CTNNA3: variants seen among roughly 807,000 people sequenced by gnomAD.
CTNNA3 encodes the protein catenin alpha 3, also known as catenin alpha-3.
A neutral mutation model predicts 95.7 loss-of-function variants in CTNNA3; 76 were observed. That is an observed-to-expected ratio of 0.79 (90% CI 0.66 to 0.96). The LOEUF is 0.96. Among genes scored for constraint, CTNNA3 ranks in the 40% least tolerant of loss-of-function variants. The pLI is 0.00. For missense variants in CTNNA3, 1,191 were observed against 1,089.8 expected (o/e 1.09, Z -1.31); for synonymous variants, 431 against 374.4 (o/e 1.15, Z -1.74).
At chr10:66,736,880 T>C (rs569459138) in intron 9 of CTNNA3, among the ~76,000 whole-genome samples, 170 of 152,306 alleles carry the variant, frequency 1.1e-3, no homozygotes, top group African/African-American at 3.9e-3. Context: ...ATTACTGTTT[T>C]GGTAAATAGT....
chr10:67,320,315 T>C (rs1159084102), intron 5 of CTNNA3, among the ~76,000 whole-genome samples: 1 of 152,132 alleles, frequency 6.6e-6, no homozygotes, highest in African/African-American at 2.4e-5. Context: ...AGCCAATCTT[T>C]GAGTATGTGC....
chr10:66,456,905 G>A (rs2093498499), intron 11 of CTNNA3, among the ~76,000 whole-genome samples: 2 of 151,988 alleles, frequency 1.3e-5, no homozygotes, highest in African/African-American at 4.8e-5. Flanking sequence ...ACCAGCCTGG[G>A]TAACATAGTG....
intron 1 of CTNNA3, among the ~76,000 whole-genome samples, chr10:67,716,537 G>T (rs1173617465): frequency 1.3e-5 from 2 of 152,030 alleles, no homozygotes; most frequent in African/African-American, 2.4e-5. Flanking sequence ...TATTCTCATT[G>T]TTCAATTCCT....
intron 7 of CTNNA3, among the ~76,000 whole-genome samples, chr10:66,831,327 T>C (rs371248577): frequency 9.6e-4 from 147 of 152,340 alleles, no homozygotes; most frequent in African/African-American, 3.4e-3. Context: ...TCTTCCCTTG[T>C]GTGCCAGGCT....
At chr10:66,950,036 C>A (rs762982920) in intron 7 of CTNNA3, among the ~76,000 whole-genome samples, 15 of 152,184 alleles carry the variant, frequency 9.9e-5, no homozygotes, top group Non-Finnish European at 2.1e-4. Context: ...TATGCAATTA[C>A]TCTTAATACC....
chr10:67,654,540 C>G (rs1348449468), intron 1 of CTNNA3, among the ~76,000 whole-genome samples: 1 of 151,384 alleles, frequency 6.6e-6, no homozygotes, highest in Non-Finnish European at 1.5e-5. Flanking sequence ...GCTGGAGTGC[C>G]AGTGGCGTGA....
intron 7 of CTNNA3, among the ~76,000 whole-genome samples, chr10:66,777,233 A>G (rs933365516): frequency 2.0e-5 from 3 of 152,180 alleles, no homozygotes; most frequent in African/African-American, 7.2e-5. Flanking sequence ...GCTAAATTCA[A>G]TACCAAATCT....
intron 1 of CTNNA3, among the ~76,000 whole-genome samples, chr10:67,688,939 G>T (rs535759750): frequency 1.6e-4 from 25 of 152,306 alleles, no homozygotes; most frequent in African/African-American, 5.5e-4. Flanking sequence ...AGACCAAAAA[G>T]AGGACCGAGG....
chr10:66,559,528 C>T (rs1190504062), intron 10 of CTNNA3, among the ~76,000 whole-genome samples: 5 of 151,954 alleles, frequency 3.3e-5, no homozygotes, highest in Non-Finnish European at 5.9e-5. Flanking sequence ...TCCTACAATA[C>T]ACAGGAACAC....
chr10:66,460,367 A>G (rs2093520933), intron 11 of CTNNA3, among the ~76,000 whole-genome samples: 1 of 152,192 alleles, frequency 6.6e-6, no homozygotes, highest in African/African-American at 2.4e-5. Flanking sequence ...TAACTGGTGC[A>G]TTGACCTATA....
chr10:67,376,171 T>A (rs1187496500), intron 5 of CTNNA3, among the ~76,000 whole-genome samples: 1 of 152,210 alleles, frequency 6.6e-6, no homozygotes, highest in Admixed American at 6.5e-5. Flanking sequence ...CCAAATGGAC[T>A]AAGACAGGGA....
rs571191788 is a variant in CTNNA3 at position 67,510,403 on chromosome 10, T to A, written c.579+11439A>T. On this transcript the variant is annotated intron_variant, in intron 5 of 17. Transcript: ENST00000433211. ...AGGGATCCAGTTTCAGCTTTCTACATATGGCTAGCCAGTTTTCCCTGCACC... is the reference window on the plus strand; with the variant it reads ...AGGGATCCAGTTTCAGCTTTCTACAAATGGCTAGCCAGTTTTCCCTGCACC... 8.5e-4 allele frequency among the ~76,000 whole-genome samples: 130 copies of A among 152,292 alleles called. No homozygotes were observed. In the Middle Eastern group the frequency reaches 0.01, roughly 12 times the overall value.
intron 15 of CTNNA3, among the ~76,000 whole-genome samples, chr10:65,997,035 C>T (rs899718795): frequency 1.3e-5 from 2 of 150,904 alleles, no homozygotes; most frequent in Non-Finnish European, 1.5e-5. Flanking sequence ...TTTTTTTAAT[C>T]CCATTATCTA....
At chr10:66,905,070 A>G (rs1342850593) in intron 7 of CTNNA3, among the ~76,000 whole-genome samples, 5 of 152,212 alleles carry the variant, frequency 3.3e-5, no homozygotes. Flanking sequence ...ACACATGCAC[A>G]CGTGTGTTTA....
intron 7 of CTNNA3, among the ~76,000 whole-genome samples, chr10:67,040,362 A>C (rs1423712577): frequency 6.6e-6 from 1 of 152,118 alleles, no homozygotes; most frequent in Non-Finnish European, 1.5e-5. Flanking sequence ...AGTAGTAACT[A>C]GGTAAAGATT....
intron 7 of CTNNA3, among the ~76,000 whole-genome samples, chr10:66,777,021 C>A (rs1434659105): frequency 6.6e-6 from 1 of 152,140 alleles, no homozygotes; most frequent in African/African-American, 2.4e-5. Flanking sequence ...ATTCTAGAGA[C>A]TCTGGAGGAG....
At chr10:66,684,681 T>G (rs916559252) in intron 9 of CTNNA3, among the ~76,000 whole-genome samples, 3 of 152,120 alleles carry the variant, frequency 2.0e-5, no homozygotes, top group African/African-American at 7.2e-5. Flanking sequence ...TCTGATAAAG[T>G]ATTTGTAGGA....
chr10:66,483,473 G>A (rs750111350), intron 11 of CTNNA3, among the ~76,000 whole-genome samples: 3 of 151,958 alleles, frequency 2.0e-5, no homozygotes, highest in East Asian at 1.9e-4. Flanking sequence ...ATCCTCTGGC[G>A]ATCTTCATTT....
intron 1 of CTNNA3, among the ~76,000 whole-genome samples, chr10:67,758,568 C>T (rs932620261): frequency 7.9e-5 from 12 of 151,904 alleles, no homozygotes; most frequent in African/African-American, 2.9e-4. Flanking sequence ...CAATTATAAT[C>T]CCAATACATT....
Sources: gnomAD v4.1 joint callset for allele counts (sites outside exome capture counted in the v4.1 genomes callset) on GRCh38, gnomAD v4.1.1 for gene constraint, MANE v1.5 for transcripts, NCBI Gene and HGNC (gene_info 2026-07-23, HGNC 2026-07-21) for gene names.